TJP1: variants seen among roughly 807,000 people sequenced by gnomAD.
TJP1 encodes tight junction protein ZO-1.
Under a neutral mutation model 194.2 loss-of-function variants are expected in TJP1, and 43 were observed. That is an observed-to-expected ratio of 0.22 (90% CI 0.17 to 0.29). The LOEUF (loss-of-function observed/expected upper bound fraction) is 0.29, where lower values mean the gene tolerates loss of function less well. Among genes scored for constraint, TJP1 ranks in the 10% least tolerant of loss-of-function variants. The pLI is 1.00. For missense variants in TJP1, 1,971 were observed against 2,185.7 expected, an observed-to-expected ratio of 0.90 and a Z score of 1.96; for synonymous variants, 801 against 779.0, an observed-to-expected ratio of 1.03 and a Z score of -0.47.
At chr15:29,813,529 A>G (rs182983326) in intron 1 of TJP1, among the ~76,000 whole-genome samples, 141 of 152,346 alleles carry the variant, frequency 9.3e-4, no homozygotes, top group Non-Finnish European at 1.8e-3. Context: ...TTACAAACAT[A>G]ATGCTGAGCA....
At chr15:29,933,729 G>T (rs140991187) in intron 2 of TJP1, among the ~76,000 whole-genome samples, 1 of 152,148 alleles carries the variant, frequency 6.6e-6, no homozygotes, top group African/African-American at 2.4e-5. Context: ...TTCTCTGGGC[G>T]AGAAGCCCAG....
intron 2 of TJP1, among the ~76,000 whole-genome samples, chr15:29,902,815 C>A (rs968074512): frequency 1.1e-4 from 16 of 152,092 alleles, no homozygotes; most frequent in Non-Finnish European, 2.1e-4. Context: ...GCGGGTGGAT[C>A]ACGAGGTCAA....
chr15:29,722,421 C>CTAAG (rs2042984856), intron 18 of TJP1, among the ~76,000 whole-genome samples: 1 of 152,216 alleles, frequency 6.6e-6, no homozygotes, highest in African/African-American at 2.4e-5. Flanking sequence ...GGTGCAAGCC[C>CTAAG]TAAGCCTTGG....
chr15:29,917,686 T>C (rs1182635335), intron 2 of TJP1, among the ~76,000 whole-genome samples: 2 of 152,058 alleles, frequency 1.3e-5, no homozygotes, highest in Non-Finnish European at 2.9e-5. Flanking sequence ...AATGCCAGCA[T>C]ATGCAACACT....
chr15:29,819,821 A>G (rs191374409), intron 1 of TJP1, among the ~76,000 whole-genome samples: 10 of 152,284 alleles, frequency 6.6e-5, no homozygotes, highest in Admixed American at 6.5e-4. Context: ...AATATTTGTT[A>G]TATTTATTTC....
intron 2 of TJP1, among the ~76,000 whole-genome samples, chr15:29,779,523 T>C (rs1174548977): frequency 6.6e-6 from 1 of 152,216 alleles, no homozygotes; most frequent in African/African-American, 2.4e-5. Flanking sequence ...AAACAAGTCA[T>C]CGCAGTGACT....
rs142930634 is a variant in TJP1, at chr15:29,841,280, C to T, written c.307-40578G>A. Reference sequence around the variant, plus strand: ...GCTGCAGTTTAGTTGGGCTAGGCTACGGCCAAAAGCTTACCAAGCAGAAAT... The same window carrying T: ...GCTGCAGTTTAGTTGGGCTAGGCTATGGCCAAAAGCTTACCAAGCAGAAAT... On this transcript the variant is annotated intron_variant, in intron 2 of 28. Coordinates refer to the TJP1 transcript ENST00000356107. 3.5e-3 allele frequency among the ~76,000 whole-genome samples: 540 copies of T among 152,194 alleles called. 2 individuals are homozygous for T. Among genetic ancestry groups the T allele is most frequent in the Non-Finnish European group, 5.6e-3 (381 of 68,006 alleles).
chr15:29,750,164 G>A (rs554714995), intron 8 of TJP1, among the ~76,000 whole-genome samples: 20 of 152,160 alleles, frequency 1.3e-4, no homozygotes, highest in Middle Eastern at 3.4e-3. Flanking sequence ...GTGCCACCAC[G>A]CCCAGCTAAT....
chr15:29,875,644 G>A (rs1395382511), intron 2 of TJP1, among the ~76,000 whole-genome samples: 1 of 152,124 alleles, frequency 6.6e-6, no homozygotes, highest in African/African-American at 2.4e-5. Context: ...TCGACTCACT[G>A]CAACCTCCAC....
chr15:29,845,620 T>C (rs1342993187), intron 2 of TJP1, among the ~76,000 whole-genome samples: 2 of 151,872 alleles, frequency 1.3e-5, no homozygotes, highest in Non-Finnish European at 2.9e-5. Flanking sequence ...CTGGCCAACA[T>C]GGTGAAACCC....
Position 29,719,947 on chromosome 15 carries a change from C to T in TJP1, c.2833G>A (p.Val945Ile). 1 of 1,614,186 alleles carries T rather than the reference C, an allele frequency of 6.2e-7. No homozygotes were observed. Among genetic ancestry groups the T allele is most frequent in the Non-Finnish European group, 8.5e-7 (1 of 1,180,042 alleles). The change falls in exon 20 of 28, where the codon GTT (valine) becomes ATT (isoleucine). Residue 945 changes from valine (V) to isoleucine (I), a missense_variant. Physicochemically the swap from Val to Ile is conservative, Grantham distance 29 (BLOSUM62 3). This residue lies in a region of TJP1 where 1,108 missense variants were observed against 1,128.5 expected (regional missense o/e 0.98). Coordinates refer to ENST00000614355, the MANE Select transcript of TJP1 (RefSeq NM_001330239.4). ...ETNPASSTSA[V>I]NHNVNLTNVR... ...TTAGTTAAATTTACATTATGATTAA[C>T]AGCAGAGGTTGATGATGCTGGGTTT...
intron 2 of TJP1, among the ~76,000 whole-genome samples, chr15:29,926,299 A>G (rs926091929): frequency 3.5e-4 from 54 of 152,340 alleles, no homozygotes; most frequent in African/African-American, 1.1e-3. Flanking sequence ...ACATGAACCT[A>G]TCAAATAGTA....
chr15:29,879,123 CAAAAAAATAATAAT>C, intron 2 of TJP1, among the ~76,000 whole-genome samples: 1 of 152,022 alleles, frequency 6.6e-6, no homozygotes, highest in South Asian at 2.1e-4. Context: ...GACTCCGTCT[CAAAAAAATAATAAT>C]AAAAAAATAA....
At chr15:29,821,978 C>T in intron 1 of TJP1, 24 bp downstream of exon 1, 1 of 1,297,680 alleles carries the variant, frequency 7.7e-7, no homozygotes, top group Non-Finnish European at 9.8e-7. Context: ...CCGGTCTGGC[C>T]CTGGCGGCCG....
intron 23 of TJP1, among the ~76,000 whole-genome samples, chr15:29,711,480 C>T (rs1241393512): frequency 6.6e-6 from 1 of 152,154 alleles, no homozygotes; most frequent in Admixed American, 6.5e-5. Context: ...ATTCTTCTGC[C>T]TCAGCCTCCC....
Position 29,885,162 on chromosome 15 carries a change from T to C in TJP1, c.306+71070A>G, listed in dbSNP as rs180971562. On this transcript the variant is annotated intron_variant, in intron 2 of 28. Transcript: ENST00000356107. Reference sequence around the variant, plus strand: ...CGGGTTCTGTTGTAGATCTCGATCCTGTCCTCCTCCCGCAACTTATGATAG... The same window carrying C: ...CGGGTTCTGTTGTAGATCTCGATCCCGTCCTCCTCCCGCAACTTATGATAG... Among the ~76,000 whole-genome samples the C allele has an allele frequency of 4.3e-4, 66 of 152,206 alleles. 1 individual carries two copies. Among genetic ancestry groups the C allele is most frequent in the African/African-American group, 1.5e-3 (63 of 41,508 alleles).
At chr15:29,966,943 G>A (rs566495041) in intron 1 of TJP1, among the ~76,000 whole-genome samples, 46 of 152,010 alleles carry the variant, frequency 3.0e-4, no homozygotes, top group African/African-American at 9.9e-4. Context: ...CATCTCCCAC[G>A]GACATGTTTT....
In TJP1 at chr15:29,719,826, A is replaced by G; in HGVS notation, c.2954T>C (p.Met985Thr). The G allele has an allele frequency of 1.2e-6, 2 of 1,614,200 alleles. No homozygotes were observed. Among genetic ancestry groups the G allele is most frequent in the Non-Finnish European group, 1.7e-6 (2 of 1,180,024 alleles). Residue 985 changes from methionine (M) to threonine (T), a missense_variant, in exon 20 of 28, where the codon ATG becomes ACG. By Grantham distance (81) the Met-to-Thr change is moderately conservative. Around this residue, in one of 5 missense-constraint regions of TJP1, gnomAD observed 1,108 missense variants for 1,128.5 expected, o/e 0.98. Transcript: ENST00000614355. ...CAATGATGGTTCTTGATCTCTTAGCATTATGTGAGCTGCCTCAGTACTTGG... is the reference window on the plus strand; with the variant it reads ...CAATGATGGTTCTTGATCTCTTAGCGTTATGTGAGCTGCCTCAGTACTTGG... The part of the protein sequence containing the change: ...RTPSTEAAHI[M>T]LRDQEPSLSS...
At chr15:29,949,159 T>C (rs1191325564) in intron 2 of TJP1, among the ~76,000 whole-genome samples, 155 of 50,222 alleles carry the variant, frequency 3.1e-3, no homozygotes, top group East Asian at 5.8e-3. Context: ...CCTCCACTAC[T>C]ACCTCCACCA....
Sources: allele counts gnomAD v4.1 joint callset (sites outside exome capture counted in the v4.1 genomes callset), GRCh38; gene constraint gnomAD v4.1.1; regional missense constraint gnomAD v4.1.1; transcripts MANE v1.5; gene names NCBI Gene and HGNC (gene_info 2026-07-23, HGNC 2026-07-21).